The following ZDHHC18 variants were observed in gnomAD, a reference collection of about 807,000 sequenced individuals.
ZDHHC18 encodes palmitoyltransferase ZDHHC18.
In ZDHHC18, 23 loss-of-function variants were observed where a neutral mutation model predicts 37.5. The observed-to-expected ratio is 0.61, with a 90% CI of 0.44 to 0.87. ZDHHC18 has a LOEUF of 0.87. ZDHHC18 is among the 40% of genes least tolerant of loss of function. The pLI is 0.00. For synonymous variants in ZDHHC18, 185 were observed against 218.7 expected, an observed-to-expected ratio of 0.85 and a Z score of 1.36; for missense variants, 406 against 525.6, an observed-to-expected ratio of 0.77 and a Z score of 2.22.
At chr1:26,844,913 GTTTTTTTTTTTGGT>G (rs776766730) in intron 2 of ZDHHC18, among the ~76,000 whole-genome samples, 16 of 140,062 alleles carry the variant, frequency 1.1e-4, no homozygotes, top group Non-Finnish European at 2.3e-4. Context: ...TCTTTACATG[GTTTTTTTTTTTGGT>G]TTTTTTTTTT....
At chr1:26,827,375 C>A (rs993755381) in intron 1 of ZDHHC18, among the ~76,000 whole-genome samples, 2 of 149,950 alleles carry the variant, frequency 1.3e-5, no homozygotes, top group African/African-American at 4.9e-5. Context: ...CTGGTGCCCT[C>A]CACCCTCCCA....
At chr1:26,842,380 T>A (rs1444562992) in intron 2 of ZDHHC18, among the ~76,000 whole-genome samples, 2 of 152,250 alleles carry the variant, frequency 1.3e-5, no homozygotes, top group Non-Finnish European at 2.9e-5. Flanking sequence ...GAAGGTGAGT[T>A]ACTATCGTTT....
Position 26,842,451 on chromosome 1 carries a change from TATC to T in ZDHHC18, c.497-6152_497-6150del, listed in dbSNP as rs542311425. 1.3e-4 allele frequency among the ~76,000 whole-genome samples: 20 copies of T among 152,354 alleles called. No individual in the cohort carries two copies. The South Asian group carries it at 4.1e-3, about 32-fold the overall frequency. ...GCTTATATGATTTTTTAGCAAATGA[TATC>T]ATCAGGAGAAACCCAGCTGGGCAGA... On this transcript the variant is annotated intron_variant, in intron 2 of 7. Coordinates refer to ENST00000374142, the MANE Select transcript of ZDHHC18 (RefSeq NM_032283.3).
chr1:26,850,190 G>A lies in ZDHHC18; in HGVS notation c.647-111G>A, dbSNP rs2081694970. On this transcript the variant is annotated intron_variant, in intron 3 of 7. Coordinates refer to ENST00000374142, the MANE Select transcript of ZDHHC18 (RefSeq NM_032283.3). This position sits in a 1 kb window ranked among gnomAD's most constrained non-coding sequence, Gnocchi z 6.1. ...GTCCAAGGCCTGGGAGCCAGCTGGT[G>A]CTGCGAGAGTGAACGGGGTAGGAAA... 3 of 1,387,070 alleles carry A rather than the reference G, an allele frequency of 2.2e-6. No individual in the cohort carries two copies. The highest frequency in any genetic ancestry group is 2.9e-6 in the Non-Finnish European group (3 of 1,019,010). The allele number at this position is 1,387,070 out of a possible 1,614,324, so 85.9% of individuals were successfully genotyped here.
At chr1:26,849,381 A>C (rs568874526) in intron 3 of ZDHHC18, among the ~76,000 whole-genome samples, 4 of 152,342 alleles carry the variant, frequency 2.6e-5, no homozygotes, top group Non-Finnish European at 5.9e-5. Context: ...GAGAGGGCCC[A>C]GGTGAGCTGA....
chr1:26,826,749 C>G lies in ZDHHC18; in HGVS notation c.-56C>G. The G allele has an allele frequency of 1.1e-6, 1 of 891,700 alleles. No individual in the cohort carries two copies. The highest frequency in any genetic ancestry group is 1.3e-6 in the Non-Finnish European group (1 of 746,722). 55.2% of individuals were successfully genotyped at this position (891,700 alleles called of 1,614,324 possible). On this transcript the variant is annotated 5_prime_UTR_variant, in exon 1 of 8. Coordinates refer to ENST00000374142, the MANE Select transcript of ZDHHC18 (RefSeq NM_032283.3). This position sits in a 1 kb window ranked among gnomAD's most constrained non-coding sequence, Gnocchi z 5.2. ...TGCCACCTCCGCTGCTCGGCCCGGT[C>G]CCGGAGTGGCCCGGCCGGCCCGCGG... is the stretch of plus-strand genomic sequence containing the variant.
intron 2 of ZDHHC18, among the ~76,000 whole-genome samples, chr1:26,836,398 T>C (rs936308007): frequency 2.0e-5 from 3 of 151,910 alleles, no homozygotes; most frequent in Non-Finnish European, 4.4e-5. Flanking sequence ...ATTGTAGTTA[T>C]CTCTCCAAGA....
intron 1 of ZDHHC18, among the ~76,000 whole-genome samples, chr1:26,831,567 C>T (rs1052638457): frequency 1.1e-4 from 16 of 152,302 alleles, no homozygotes; most frequent in Admixed American, 9.8e-4. Context: ...CTGATAGCTT[C>T]ACTATCATGA....
intron 1 of ZDHHC18, among the ~76,000 whole-genome samples, chr1:26,828,747 A>G (rs764633652): frequency 6.6e-6 from 1 of 150,654 alleles, no homozygotes; most frequent in Admixed American, 6.6e-5. Context: ...ATGATTTACA[A>G]GCAGAAGCTC....
Position 26,854,041 on chromosome 1 carries a change from T to A in ZDHHC18, c.*198T>A, listed in dbSNP as rs567599394. 33 of 597,534 alleles carry A rather than the reference T, an allele frequency of 5.5e-5. No homozygotes were observed. The highest frequency in any genetic ancestry group is 5.1e-4 in the East Asian group (18 of 35,128). The allele number at this position is 597,534 out of a possible 1,614,324, so 37.0% of individuals were successfully genotyped here. A position where few individuals can be genotyped will look rare whatever the true frequency, so the allele number is the denominator to read the frequency against. The stretch of plus-strand genomic sequence containing the variant: ...TCCCCAAACCCAGGTTCCCACAGCC[T>A]TGGGCCCTAGGTACCCCAGCTGATC... On this transcript the variant is annotated 3_prime_UTR_variant, in exon 8 of 8. Transcript: ENST00000374142. This position sits in a 1 kb window ranked among gnomAD's most constrained non-coding sequence, Gnocchi z 4.6.
At chr1:26,831,483 T>C (rs1448003441) in intron 1 of ZDHHC18, among the ~76,000 whole-genome samples, 1 of 152,204 alleles carries the variant, frequency 6.6e-6, no homozygotes, top group African/African-American at 2.4e-5. Context: ...CTGATTGACA[T>C]TTCCAAAAGT....
chr1:26,844,050 G>GT (rs1049726420), intron 2 of ZDHHC18, among the ~76,000 whole-genome samples: 2 of 151,808 alleles, frequency 1.3e-5, no homozygotes, highest in African/African-American at 4.8e-5. Context: ...GTTTTGTTTT[G>GT]TTTTTTTGTG....
chr1:26,843,937 T>C (rs1215085088), intron 2 of ZDHHC18, among the ~76,000 whole-genome samples: 1 of 152,146 alleles, frequency 6.6e-6, no homozygotes, highest in Non-Finnish European at 1.5e-5. Flanking sequence ...TCACTGTCAC[T>C]CTCCAAGGGT....
Position 26,856,172 on chromosome 1 carries a change from G to A in ZDHHC18, c.*2329G>A, listed in dbSNP as rs574565262. 2.2e-4 allele frequency: 98 copies of A among 452,744 alleles called. 1 individual carries two copies. The highest frequency in any genetic ancestry group is 1.5e-3 in the South Asian group (95 of 64,498). 28.0% of individuals were successfully genotyped at this position (452,744 alleles called of 1,614,324 possible). Reference sequence around the variant, plus strand: ...CTCATAACACTGGCCCACCTCTCTGGTATCTCCCTCAGGAGGACACCTGTC... The same window carrying A: ...CTCATAACACTGGCCCACCTCTCTGATATCTCCCTCAGGAGGACACCTGTC... On this transcript the variant is annotated 3_prime_UTR_variant, in exon 8 of 8. Coordinates refer to ENST00000374142, the MANE Select transcript of ZDHHC18 (RefSeq NM_032283.3). This position sits in a 1 kb window ranked among gnomAD's most constrained non-coding sequence, Gnocchi z 5.2.
At chr1:26,842,814 C>T (rs898523274) in intron 2 of ZDHHC18, among the ~76,000 whole-genome samples, 6 of 152,244 alleles carry the variant, frequency 3.9e-5, no homozygotes, top group Non-Finnish European at 8.8e-5. Flanking sequence ...TGCCTAGAAT[C>T]GTGCCTGGCA....
intron 2 of ZDHHC18, among the ~76,000 whole-genome samples, chr1:26,841,535 G>A (rs2081639039): frequency 1.3e-5 from 2 of 152,208 alleles, no homozygotes; most frequent in Admixed American, 6.5e-5. Flanking sequence ...ATACCTACAT[G>A]TGTTTCTGGC....
chr1:26,844,341 A>G (rs906224627), intron 2 of ZDHHC18, among the ~76,000 whole-genome samples: 3 of 152,186 alleles, frequency 2.0e-5, no homozygotes, highest in African/African-American at 7.2e-5. Context: ...ACCCGGCCAG[A>G]CAATGTTTAT....
In ZDHHC18 at chr1:26,857,024, C is replaced by T. The variant is rs985591335; in HGVS notation, c.*3181C>T. The T allele has an allele frequency of 6.6e-6, 1 of 152,632 alleles. No individual in the cohort carries two copies. The highest frequency in any genetic ancestry group is 1.5e-5 in the Non-Finnish European group (1 of 68,354). The allele number at this position is 152,632 out of a possible 1,614,324, so 9.5% of individuals were successfully genotyped here. A position where few individuals can be genotyped will look rare whatever the true frequency, so the allele number is the denominator to read the frequency against. On this transcript the variant is annotated 3_prime_UTR_variant, in exon 8 of 8. Transcript: ENST00000374142. ...CCCGGCCTGTGTGCTCTCTAGGACC[C>T]CCATAGGGGGCAGGGGCTGGCCTCT...
At chr1:26,834,862 C>T (rs2081604071) in intron 2 of ZDHHC18, among the ~76,000 whole-genome samples, 1 of 152,198 alleles carries the variant, frequency 6.6e-6, no homozygotes, top group African/African-American at 2.4e-5. Flanking sequence ...AGAGTGAAGG[C>T]AGGTGGGGGC....
Sources: allele counts gnomAD v4.1 joint callset (sites outside exome capture counted in the v4.1 genomes callset), GRCh38; gene constraint gnomAD v4.1.1; non-coding constraint Gnocchi (gnomAD v3.1); transcripts MANE v1.5; gene names NCBI Gene and HGNC (gene_info 2026-07-23, HGNC 2026-07-21).